Variants in TMPRSS4 observed in about 807,000 individuals in gnomAD.
The protein encoded by TMPRSS4 is transmembrane serine protease 4.
TMPRSS4 carries 45 observed loss-of-function variants against 56.4 expected under a neutral mutation model. The observed-to-expected ratio is 0.80, with a 90% CI of 0.63 to 1.02. TMPRSS4 has a LOEUF of 1.02. Ranked by LOEUF, TMPRSS4 falls within the 50% of genes least tolerant of loss-of-function variation. TMPRSS4 has a pLI of 0.00. For missense variants in TMPRSS4, 546 were observed against 556.7 expected, an observed-to-expected ratio of 0.98 and a Z score of 0.19; for synonymous variants, 205 against 211.0, an observed-to-expected ratio of 0.97 and a Z score of 0.25.
At chr11:118,104,642 G>C in intron 4 of TMPRSS4, 49 bp from the exon 5 acceptor site, 1 of 1,613,222 alleles carries the variant, frequency 6.2e-7, no homozygotes, top group South Asian at 1.1e-5. Context: ...GAGGGGGATG[G>C]GCCAGTTGGG....
At chr11:118,106,962 T>C (rs2135422534) in intron 5 of TMPRSS4, 1 of 152,344 alleles carries the variant, frequency 6.6e-6, no homozygotes, top group African/African-American at 2.4e-5. Flanking sequence ...TTCCAGGAAG[T>C]GCCAGCATTC....
chr11:118,110,398 G>C (rs1947220319), intron 7 of TMPRSS4, among the ~76,000 whole-genome samples: 1 of 150,720 alleles, frequency 6.6e-6, no homozygotes, highest in African/African-American at 2.5e-5. Context: ...CTGGAGTAAA[G>C]TGTTGCGATC....
intron 3 of TMPRSS4, among the ~76,000 whole-genome samples, chr11:118,100,579 A>AAGCCCTGGG (rs1189401005): frequency 1.3e-5 from 2 of 151,986 alleles, no homozygotes; most frequent in African/African-American, 2.4e-5. Flanking sequence ...ACCCCACTAA[A>AAGCCCTGGG]AGCCCTGGGA....
chr11:118,110,259 C>T (rs1050557168), intron 7 of TMPRSS4, among the ~76,000 whole-genome samples: 1 of 152,078 alleles, frequency 6.6e-6, no homozygotes, highest in African/African-American at 2.4e-5. Context: ...TCAGTGGTCC[C>T]CAACCTTTTT....
chr11:118,103,104 A>G lies in TMPRSS4; in HGVS notation c.161A>G (p.Lys54Arg). The change falls in exon 4 of 13, where the codon AAG becomes AGG. Residue 54 changes from lysine (K) to arginine (R), a missense_variant. Physicochemically the swap from Lys to Arg is conservative, Grantham distance 26. Coordinates refer to ENST00000437212, the MANE Select transcript of TMPRSS4 (RefSeq NM_019894.4). ...TCTCCCTGCACTTGCCTTCCAGTCA[A>G]GGTGATTCTGGATAAATACTACTTC... ...ASIIIVVVLI[K>R]VILDKYYFLC... The G allele has an allele frequency of 6.2e-7, 1 of 1,614,024 alleles. No individual in the cohort carries two copies. Among genetic ancestry groups the G allele is most frequent in the Non-Finnish European group, 8.5e-7 (1 of 1,179,978 alleles).
At chr11:118,095,962 G>T (rs1941633) in intron 2 of TMPRSS4, among the ~76,000 whole-genome samples, 9 of 152,130 alleles carry the variant, frequency 5.9e-5, no homozygotes, top group African/African-American at 1.9e-4. Flanking sequence ...ATGAAAGCTC[G>T]TTCCTTCCTG....
rs949080144 is a variant in TMPRSS4 at position 118,115,590 on chromosome 11, C to T, written c.1152+310C>T. On this transcript the variant is annotated intron_variant, in intron 11 of 12. Transcript: ENST00000437212. ...ATCCCAGCACTTTGGGAGGCTGAGG[C>T]GGGCAGGTGATTTGAGGTCAGGAAT... 13 of 254,700 alleles carry T rather than the reference C, an allele frequency of 5.1e-5. 1 individual carries two copies. Among genetic ancestry groups the T allele is most frequent in the Admixed American group, 4.6e-4 (10 of 21,518 alleles). The allele number at this position is 254,700 out of a possible 1,614,324, so 15.8% of individuals were successfully genotyped here.
intron 11 of TMPRSS4, chr11:118,115,487 A>T (rs965445134): frequency 3.4e-6 from 2 of 579,758 alleles, no homozygotes; most frequent in Non-Finnish European, 6.0e-6. Flanking sequence ...ATGGATGCAG[A>T]CAAGCAGAGA....
At chr11:118,085,158 G>C (rs1945445811) in intron 1 of TMPRSS4, among the ~76,000 whole-genome samples, 1 of 151,918 alleles carries the variant, frequency 6.6e-6, no homozygotes, top group African/African-American at 2.4e-5. Context: ...AAGGAAACTG[G>C]GTCCAGGAGC....
chr11:118,111,933 A>C, intron 8 of TMPRSS4, 33 bp downstream of exon 8: 1 of 1,588,644 alleles, frequency 6.3e-7, no homozygotes, highest in Non-Finnish European at 8.5e-7. Context: ...GTCTCTGGGG[A>C]CCAAGGCCAG....
intron 1 of TMPRSS4, among the ~76,000 whole-genome samples, chr11:118,092,289 T>C (rs981438744): frequency 1.3e-5 from 2 of 152,220 alleles, no homozygotes; most frequent in African/African-American, 4.8e-5. Flanking sequence ...GCCAGCTGTG[T>C]GGGAGACTGG....
At chr11:118,087,389 C>T (rs1945636668) in intron 1 of TMPRSS4, among the ~76,000 whole-genome samples, 2 of 152,162 alleles carry the variant, frequency 1.3e-5, no homozygotes, top group East Asian at 3.8e-4. Context: ...CTTGAGCTGC[C>T]GCCTCTTCTT....
intron 7 of TMPRSS4, among the ~76,000 whole-genome samples, chr11:118,109,845 C>T (rs1225368230): frequency 6.6e-6 from 1 of 152,212 alleles, no homozygotes. Flanking sequence ...CCCGGCCCCA[C>T]AATACCTAGT....
intron 2 of TMPRSS4, chr11:118,095,480 G>A (rs566419491): frequency 6.5e-6 from 1 of 153,164 alleles, no homozygotes; most frequent in Non-Finnish European, 1.5e-5. Flanking sequence ...GTATTTCTCA[G>A]TTCTGGGTCA....
At position 118,114,899 on chromosome 11, in the gene TMPRSS4, T is replaced by C. The variant is rs148497493; in HGVS notation, c.981T>C (p.Ile327=). Residue 327 remains isoleucine (I), a synonymous_variant, in exon 10 of 13, where the codon ATT becomes ATC. Transcript: ENST00000437212. ...ELTPATPLWI[I]GWGFTKQNGG... ...CTCCAGCCACCCCACTCTGGATCAT[T>C]GGATGGGGCTTTACGAAGCAGAATG... The C allele has an allele frequency of 1.4e-5, 22 of 1,606,284 alleles. No homozygotes were observed. The African/African-American group carries it at 2.8e-4, about 20-fold the overall frequency.
rs1945871138 is a variant in TMPRSS4 at position 118,090,613 on chromosome 11, C to CT, written c.4-4203_4-4202insT. Among the ~76,000 whole-genome samples the CT allele has an allele frequency of 2.9e-4, 5 of 17,020 alleles. No individual in the cohort carries two copies. The Admixed American group carries it at 4.5e-3, about 15-fold the overall frequency. The allele number at this position is 17,020 out of a possible 152,430, so 11.2% of individuals were successfully genotyped here. ...GCAATACAGTGATACCTCATCTCTA[C>CT]GAAAAAAAAAAAAAAATAGCTGGGC... On this transcript the variant is annotated intron_variant, in intron 1 of 12. Transcript: ENST00000437212.
chr11:118,101,006 C>T (rs1232979317), intron 3 of TMPRSS4, among the ~76,000 whole-genome samples: 1 of 152,114 alleles, frequency 6.6e-6, no homozygotes, highest in Non-Finnish European at 1.5e-5. Flanking sequence ...TCTGCCTTAC[C>T]CTGGCTCCTG....
At chr11:118,095,867 A>T (rs1946257344) in intron 2 of TMPRSS4, among the ~76,000 whole-genome samples, 1 of 152,194 alleles carries the variant, frequency 6.6e-6, no homozygotes, top group Non-Finnish European at 1.5e-5. Context: ...GTCTAGCTGC[A>T]GTGGGCAGGA....
chr11:118,105,136 T>C (rs1946926722), intron 5 of TMPRSS4, among the ~76,000 whole-genome samples: 1 of 152,148 alleles, frequency 6.6e-6, no homozygotes, highest in Non-Finnish European at 1.5e-5. Flanking sequence ...TTTCCTTTAC[T>C]CCTCAACCTT....
Sources: gnomAD v4.1 joint callset for allele counts (sites outside exome capture counted in the v4.1 genomes callset) on GRCh38, gnomAD v4.1.1 for gene constraint, MANE v1.5 for transcripts, NCBI Gene and HGNC (gene_info 2026-07-23, HGNC 2026-07-21) for gene names.